The following PCDH11X variants were observed in gnomAD, a reference collection of about 807,000 sequenced individuals.
PCDH11X encodes protocadherin-11 X-linked.
Under a neutral mutation model 53.3 loss-of-function variants are expected in PCDH11X, and 18 were observed. The observed-to-expected ratio is 0.34, with a 90% CI of 0.23 to 0.50. The LOEUF is 0.50. PCDH11X is among the 20% of genes least tolerant of loss of function. The pLI is 0.98. For synonymous variants in PCDH11X, 279 were observed against 393.3 expected (o/e 0.71, Z 3.44); for missense variants, 570 against 1,032.4 (o/e 0.55, Z 6.14).
chrX:92,601,815 C>T (rs1025932155), intron 10 of PCDH11X, among the ~76,000 whole-genome samples: 3 of 110,333 alleles, frequency 2.7e-5, no homozygotes, highest in African/African-American at 9.9e-5. Flanking sequence ...CTTCCAGGGT[C>T]ATTCAAAAAT....
chrX:92,340,100 G>A (rs1373500385), intron 8 of PCDH11X, among the ~76,000 whole-genome samples: 4 of 111,646 alleles, frequency 3.6e-5, no homozygotes, highest in African/African-American at 9.8e-5. Context: ...CCATCAGGAT[G>A]GTCATTAAAT....
At chrX:91,947,242 A>G (rs1267351608) in intron 6 of PCDH11X, among the ~76,000 whole-genome samples, 1 of 109,761 alleles carries the variant, frequency 9.1e-6, no homozygotes, top group Admixed American at 9.9e-5. Flanking sequence ...ATTAGACTCC[A>G]AGAAATGATT....
At chrX:92,112,374 G>A (rs1405491382) in intron 6 of PCDH11X, among the ~76,000 whole-genome samples, 6 of 107,455 alleles carry the variant, frequency 5.6e-5, no homozygotes, top group African/African-American at 2.0e-4. Flanking sequence ...GTGTCCTACT[G>A]TTTTAAATTT....
At chrX:92,537,762 A>C (rs868568006) in intron 10 of PCDH11X, among the ~76,000 whole-genome samples, 1,556 of 106,527 alleles carry the variant, frequency 0.015, 34 homozygotes, top group African/African-American at 0.051. Flanking sequence ...AAGAACATGC[A>C]CTGGAAAAAA....
chrX:92,192,885 T>C (rs947262322), intron 6 of PCDH11X, among the ~76,000 whole-genome samples: 2 of 111,254 alleles, frequency 1.8e-5, no homozygotes, highest in South Asian at 7.6e-4. Flanking sequence ...ATTACAGGCA[T>C]GTGCCACCAC....
intron 6 of PCDH11X, among the ~76,000 whole-genome samples, chrX:92,170,420 C>CA (rs896692254): frequency 1.6e-4 from 17 of 107,503 alleles, no homozygotes; most frequent in African/African-American, 3.0e-4. Flanking sequence ...AAAGAGAGCT[C>CA]AAAAAAAAAT....
At chrX:92,247,985 A>G (rs1221112659) in intron 7 of PCDH11X, among the ~76,000 whole-genome samples, 1 of 111,916 alleles carries the variant, frequency 8.9e-6, no homozygotes, top group African/African-American at 3.2e-5. Context: ...ATTCAACTGG[A>G]AAAAAATGAG....
At chrX:92,383,633 T>C (rs1245324313) in intron 8 of PCDH11X, among the ~76,000 whole-genome samples, 1 of 111,355 alleles carries the variant, frequency 9.0e-6, no homozygotes. Flanking sequence ...GCTTCATCCA[T>C]GTCCCTGCAA....
chrX:92,434,489 A>G (rs2072324682), intron 9 of PCDH11X, among the ~76,000 whole-genome samples: 1 of 110,639 alleles, frequency 9.0e-6, no homozygotes, highest in Non-Finnish European at 1.9e-5. Flanking sequence ...AAAAACGTAT[A>G]TTCACTTAAT....
intron 9 of PCDH11X, among the ~76,000 whole-genome samples, chrX:92,455,149 TATCAGTGCTAC>T (rs1383027573): frequency 1.9e-5 from 2 of 105,183 alleles, no homozygotes; most frequent in Non-Finnish European, 3.9e-5. Flanking sequence ...TTTTTATTAG[TATCAGTGCTAC>T]ATTCTGTGAT....
At chrX:92,572,076 G>C (rs921176009) in intron 10 of PCDH11X, among the ~76,000 whole-genome samples, 12 of 112,309 alleles carry the variant, frequency 1.1e-4, no homozygotes, top group African/African-American at 3.9e-4. Flanking sequence ...TCTGAAATGT[G>C]ACTTAAAATG....
chrX:92,150,382 CAT>C (rs2065412626), intron 6 of PCDH11X, among the ~76,000 whole-genome samples: 1 of 109,673 alleles, frequency 9.1e-6, no homozygotes, highest in African/African-American at 3.3e-5. Flanking sequence ...ATTTTTCATC[CAT>C]TTTTTTTTTT....
chrX:91,970,910 T>C (rs1471256443), intron 6 of PCDH11X, among the ~76,000 whole-genome samples: 1 of 111,779 alleles, frequency 8.9e-6, no homozygotes, highest in African/African-American at 3.3e-5. Context: ...AGATTTTCAA[T>C]GAGCTATAAA....
chrX:91,952,682 T>C (rs2061656638), intron 6 of PCDH11X, among the ~76,000 whole-genome samples: 2 of 111,435 alleles, frequency 1.8e-5, no homozygotes, highest in Admixed American at 1.9e-4. Context: ...GCAATCCCAC[T>C]CCTGGGCATA....
intron 6 of PCDH11X, among the ~76,000 whole-genome samples, chrX:91,910,940 C>A (rs1478548813): frequency 1.8e-5 from 2 of 110,904 alleles, no homozygotes; most frequent in Non-Finnish European, 3.8e-5. Flanking sequence ...TCAATATATA[C>A]CTCATATGAC....
intron 7 of PCDH11X, among the ~76,000 whole-genome samples, chrX:92,210,981 G>A (rs756079358): frequency 2.2e-3 from 244 of 111,105 alleles, no homozygotes; most frequent in African/African-American, 7.6e-3. Context: ...GTCTTCTTCC[G>A]AGCCCTTCAA....
intron 1 of PCDH11X, among the ~76,000 whole-genome samples, chrX:91,783,778 T>C (rs1272550592): frequency 1.8e-5 from 2 of 112,166 alleles, no homozygotes; most frequent in Non-Finnish European, 3.8e-5. Flanking sequence ...AGGCTAATTC[T>C]CTCCAAGAAT....
In PCDH11X at chrX:91,835,970, T is replaced by G; in HGVS notation, c.466T>G (p.Ser156Ala). 10 of 1,210,919 alleles carry G rather than the reference T, an allele frequency of 8.3e-6. No individual in the cohort carries two copies. The highest frequency in any genetic ancestry group is 1.1e-5 in the Non-Finnish European group (10 of 895,320). Reference sequence around the variant, plus strand: ...AATTCCAGAGAACTCGGCTATAAACTCTAAATATACTCTCCCAGCGGCTGT... The same window carrying G: ...AATTCCAGAGAACTCGGCTATAAACGCTAAATATACTCTCCCAGCGGCTGT... ...ISIPENSAINSKYTLPAAVDP... is the reference protein window; with the variant it reads ...ISIPENSAINAKYTLPAAVDP... The change falls in exon 5 of 11, where the codon TCT becomes GCT. Residue 156 changes from serine to alanine, a missense_variant. Transcript: ENST00000682573.
chrX:92,328,505 C>G (rs182961158), intron 8 of PCDH11X, among the ~76,000 whole-genome samples: 1 of 109,945 alleles, frequency 9.1e-6, no homozygotes, highest in African/African-American at 3.3e-5. Context: ...ATTAGTGAAA[C>G]CAAAAGCTAG....
Sources: gnomAD v4.1 joint callset for allele counts (sites outside exome capture counted in the v4.1 genomes callset) on GRCh38, gnomAD v4.1.1 for gene constraint, MANE v1.5 for transcripts, NCBI Gene and HGNC (gene_info 2026-07-23, HGNC 2026-07-21) for gene names.